PPP4R4: variants seen among roughly 807,000 people sequenced by gnomAD.
PPP4R4 encodes serine/threonine-protein phosphatase 4 regulatory subunit 4.
In PPP4R4, 70 loss-of-function variants were observed where a neutral mutation model predicts 121.8. That is an observed-to-expected ratio of 0.57 (90% CI 0.47 to 0.70). PPP4R4 has a LOEUF of 0.70. Among genes scored for constraint, PPP4R4 ranks in the 30% least tolerant of loss-of-function variants. The pLI is 0.00. For missense variants in PPP4R4, 875 were observed against 1,033.6 expected, an observed-to-expected ratio of 0.85 and a Z score of 2.10; for synonymous variants, 348 against 355.7, an observed-to-expected ratio of 0.98 and a Z score of 0.24.
intron 20 of PPP4R4, 56 bp downstream of exon 20, chr14:94,265,003 G>T: frequency 7.8e-7 from 1 of 1,285,572 alleles, no homozygotes. Context: ...GTTGCATCCT[G>T]GTATTCTGAA....
chr14:94,185,504 C>T (rs1040895957), intron 2 of PPP4R4, among the ~76,000 whole-genome samples: 9 of 149,034 alleles, frequency 6.0e-5, no homozygotes, highest in Admixed American at 2.7e-4. Context: ...GAGACCCTGT[C>T]TCAAAACAAA....
rs1195325052 is a variant in PPP4R4 at position 94,265,488 on chromosome 14, C to T, written c.2284+15C>T. 1 of 1,567,244 alleles carries T rather than the reference C, an allele frequency of 6.4e-7. No individual in the cohort carries two copies. The highest frequency in any genetic ancestry group is 8.8e-7 in the Non-Finnish European group (1 of 1,139,370). On this transcript the variant is annotated intron_variant, in intron 21 of 24. Transcript: ENST00000304338. Reference sequence around the variant, plus strand: ...CCCATCGACAAGTAAGAAATAACTTCTTTTTATATCTTTTTGTAATTTTTC... The same window carrying T: ...CCCATCGACAAGTAAGAAATAACTTTTTTTTATATCTTTTTGTAATTTTTC...
rs201325028 is a variant in PPP4R4 at position 94,268,910 on chromosome 14, A to G, written c.2449+1881A>G. ...TAGCGACACAGAGCCAAACTATATC[A>G]TGAGAGTAAATATTTTATTAAAATA... is the stretch of plus-strand genomic sequence containing the variant. On this transcript the variant is annotated intron_variant, in intron 23 of 24. Transcript: ENST00000304338. Among the ~76,000 whole-genome samples, 21 of 152,350 alleles carry G rather than the reference A, an allele frequency of 1.4e-4. No homozygotes were observed. The East Asian group carries it at 3.7e-3, about 27-fold the overall frequency.
rs1894086815 is a variant in PPP4R4, at chr14:94,267,007, G to A, written c.2427G>A (p.Lys809=). 2.5e-6 allele frequency: 4 copies of A among 1,597,660 alleles called. No individual in the cohort carries two copies. The East Asian group carries it at 9.0e-5, about 36-fold the overall frequency. The change falls in exon 23 of 25, where the codon AAG becomes AAA. Residue 809 remains lysine, a synonymous_variant. Transcript: ENST00000304338. ...GYTTSVSGLG[K]TSVLSLADDS... is the part of the protein sequence containing the mutation. ...CAACTTCTGTCTCAGGGTTAGGAAAGACTTCTGTGCTTTCACTAGCTGGTA... is the reference window on the plus strand; with the variant it reads ...CAACTTCTGTCTCAGGGTTAGGAAAAACTTCTGTGCTTTCACTAGCTGGTA...
At chr14:94,267,545 G>A (rs998671205) in intron 23 of PPP4R4, among the ~76,000 whole-genome samples, 12 of 152,096 alleles carry the variant, frequency 7.9e-5, no homozygotes, top group Non-Finnish European at 7.4e-5. Context: ...TAGATATGGC[G>A]GTGTTCCAAT....
At chr14:94,190,872 C>CTG (rs1555447529) in intron 2 of PPP4R4, among the ~76,000 whole-genome samples, 1 of 145,558 alleles carries the variant, frequency 6.9e-6, no homozygotes, top group Non-Finnish European at 1.5e-5. Context: ...TGATTTCCAA[C>CTG]TTTTTTTTTT....
intron 6 of PPP4R4, among the ~76,000 whole-genome samples, chr14:94,234,316 AG>A (rs1229895017): frequency 6.6e-6 from 1 of 152,240 alleles, no homozygotes; most frequent in Non-Finnish European, 1.5e-5. Context: ...TCTTAGCTAT[AG>A]ACATTTCAAC....
At position 94,241,896 on chromosome 14, in the gene PPP4R4, A is replaced by G; in HGVS notation, c.1085A>G (p.Gln362Arg). ...CACAATGAAAACCAGATTCCACCCC[A>G]AATCCTAGAGCAGGAGAAGAAATAT... ...NGHNENQIPP[Q>R]ILEQEKKYIS... The change falls in exon 10 of 25, where the codon CAA becomes CGA. Residue 362 changes from glutamine (Q) to arginine (R), a missense_variant. Coordinates refer to ENST00000304338, the MANE Select transcript of PPP4R4 (RefSeq NM_058237.2). The G allele has an allele frequency of 1.2e-6, 2 of 1,611,200 alleles. No individual in the cohort carries two copies. The highest frequency in any genetic ancestry group is 1.7e-6 in the Non-Finnish European group (2 of 1,178,598).
At chr14:94,211,707 G>A (rs1690302562) in intron 3 of PPP4R4, among the ~76,000 whole-genome samples, 2 of 152,156 alleles carry the variant, frequency 1.3e-5, no homozygotes, top group Non-Finnish European at 2.9e-5. Context: ...AGAATAGATT[G>A]GAGTGGGATA....
At chr14:94,265,019 A>G (rs1289908713) in intron 20 of PPP4R4, 72 bp downstream of exon 20, 14 of 1,249,392 alleles carry the variant, frequency 1.1e-5, no homozygotes, top group Non-Finnish European at 1.5e-5. Flanking sequence ...CTGAAAGACC[A>G]TGCTGAATTT....
chr14:94,223,544 T>A (rs1229492445), intron 3 of PPP4R4, among the ~76,000 whole-genome samples: 1 of 152,142 alleles, frequency 6.6e-6, no homozygotes, highest in Non-Finnish European at 1.5e-5. Context: ...AAGACCCTCT[T>A]CTAGAATCAG....
intron 2 of PPP4R4, among the ~76,000 whole-genome samples, chr14:94,176,966 C>T (rs1888712424): frequency 6.6e-6 from 1 of 151,852 alleles, no homozygotes; most frequent in Non-Finnish European, 1.5e-5. Context: ...ATTTGTCACC[C>T]TTGTTTCCTT....
At chr14:94,215,264 A>G (rs1324334850) in intron 3 of PPP4R4, among the ~76,000 whole-genome samples, 1 of 152,212 alleles carries the variant, frequency 6.6e-6, no homozygotes, top group African/African-American at 2.4e-5. Flanking sequence ...TGAATATTTT[A>G]TTGGGAGATT....
chr14:94,273,902 T>TA (rs1289731693), intron 23 of PPP4R4, among the ~76,000 whole-genome samples: 2 of 152,142 alleles, frequency 1.3e-5, no homozygotes, highest in African/African-American at 4.8e-5. Context: ...TCAGTTTTAT[T>TA]ACATGGATAT....
At chr14:94,239,061 T>A (rs921017351) in intron 8 of PPP4R4, among the ~76,000 whole-genome samples, 1 of 152,100 alleles carries the variant, frequency 6.6e-6, no homozygotes, top group Admixed American at 6.6e-5. Context: ...TCTTTCCCAC[T>A]CCTCTTGTGT....
At chr14:94,266,886 G>A in intron 22 of PPP4R4, 73 bp from the exon 23 acceptor site, 5 of 969,752 alleles carry the variant, frequency 5.2e-6, no homozygotes, top group Non-Finnish European at 8.0e-6. Flanking sequence ...GATTAAAACA[G>A]CACAAGTGTT....
intron 16 of PPP4R4, among the ~76,000 whole-genome samples, chr14:94,255,216 A>G (rs1893403405): frequency 6.6e-6 from 1 of 152,136 alleles, no homozygotes; most frequent in Non-Finnish European, 1.5e-5. Flanking sequence ...AATAACCATC[A>G]CATCTGCTTA....
intron 2 of PPP4R4, among the ~76,000 whole-genome samples, chr14:94,187,652 A>G (rs1386179339): frequency 6.6e-6 from 1 of 151,918 alleles, no homozygotes; most frequent in East Asian, 1.9e-4. Context: ...TTCTGTTTCA[A>G]GATCAACTCC....
chr14:94,256,068 C>G (rs1053706335), intron 16 of PPP4R4, among the ~76,000 whole-genome samples: 1 of 152,204 alleles, frequency 6.6e-6, no homozygotes, highest in Non-Finnish European at 1.5e-5. Context: ...TAAATATCAT[C>G]TTTTCAGTGG....
Sources: gnomAD v4.1 joint callset for allele counts (sites outside exome capture counted in the v4.1 genomes callset) on GRCh38, gnomAD v4.1.1 for gene constraint, MANE v1.5 for transcripts, NCBI Gene and HGNC (gene_info 2026-07-23, HGNC 2026-07-21) for gene names.